The following RABGAP1L variants were observed in gnomAD, a reference collection of about 807,000 sequenced individuals.
The protein encoded by RABGAP1L is rab GTPase-activating protein 1-like.
RABGAP1L carries 63 observed loss-of-function variants against 137.7 expected under a neutral mutation model. That is an observed-to-expected ratio of 0.46 (90% CI 0.37 to 0.56). The LOEUF is 0.56. Ranked by LOEUF, RABGAP1L falls within the 20% of genes least tolerant of loss-of-function variation. The pLI is 0.00. For missense variants in RABGAP1L, 1,095 were observed against 1,244.0 expected (o/e 0.88, Z 1.80); for synonymous variants, 431 against 433.7 (o/e 0.99, Z 0.08).
intron 13 of RABGAP1L, among the ~76,000 whole-genome samples, chr1:174,600,509 A>T (rs1024997419): frequency 1.3e-5 from 2 of 152,246 alleles, no homozygotes; most frequent in African/African-American, 4.8e-5. Flanking sequence ...TCCTAGATAC[A>T]ATGGGGTACA....
chr1:174,652,160 G>A (rs145176976), intron 14 of RABGAP1L, among the ~76,000 whole-genome samples: 3,377 of 152,150 alleles, frequency 0.022, 56 homozygotes, highest in Middle Eastern at 0.082. Flanking sequence ...GTTGAATATC[G>A]GCCCCCACTC....
intron 19 of RABGAP1L, among the ~76,000 whole-genome samples, chr1:174,839,227 G>A (rs1241769611): frequency 6.6e-6 from 1 of 152,028 alleles, no homozygotes; most frequent in African/African-American, 2.4e-5. Flanking sequence ...ATGAGACCTG[G>A]TTAAACTACT....
At chr1:174,300,122 C>A (rs543167881) in intron 10 of RABGAP1L, among the ~76,000 whole-genome samples, 2 of 152,164 alleles carry the variant, frequency 1.3e-5, no homozygotes, top group South Asian at 4.1e-4. Flanking sequence ...AAAAATATAA[C>A]CTAAAGAAGA....
intron 19 of RABGAP1L, among the ~76,000 whole-genome samples, chr1:174,830,838 C>A (rs1692040856): frequency 6.8e-6 from 1 of 147,770 alleles, no homozygotes; most frequent in African/African-American, 2.5e-5. Flanking sequence ...GTGAACCTGG[C>A]ATCAGTTTAG....
chr1:174,510,801 TAA>T (rs987991118), intron 13 of RABGAP1L, among the ~76,000 whole-genome samples: 4 of 152,194 alleles, frequency 2.6e-5, no homozygotes, highest in Non-Finnish European at 5.9e-5. Context: ...AGAAATTTAA[TAA>T]GAGAGTCATG....
chr1:174,401,605 C>T (rs138492662), intron 13 of RABGAP1L, among the ~76,000 whole-genome samples: 1 of 152,252 alleles, frequency 6.6e-6, no homozygotes, highest in African/African-American at 2.4e-5. Context: ...AAGTGTGTAG[C>T]ACCCTGTTAT....
At chr1:174,188,905 A>T (rs1667006057) in intron 1 of RABGAP1L, among the ~76,000 whole-genome samples, 1 of 152,202 alleles carries the variant, frequency 6.6e-6, no homozygotes, top group African/African-American at 2.4e-5. Context: ...TACAACTTAA[A>T]GTCACCAGTT....
At chr1:174,551,698 C>T (rs562143165) in intron 13 of RABGAP1L, among the ~76,000 whole-genome samples, 23 of 151,362 alleles carry the variant, frequency 1.5e-4, no homozygotes, top group African/African-American at 4.8e-4. Flanking sequence ...AAACAGAAAT[C>T]GAAGAAATTG....
rs1183030066 is a variant in RABGAP1L, at chr1:174,385,910, G to A, written c.1560-8085G>A. Reference sequence around the variant, plus strand: ...CTTAAAAATAGTTTTGCTATAAAAGGATGATAGGAAACGAGGACACATTAG... The same window carrying A: ...CTTAAAAATAGTTTTGCTATAAAAGAATGATAGGAAACGAGGACACATTAG... On this transcript the variant is annotated intron_variant, in intron 12 of 25. Transcript: ENST00000681986. Among the ~76,000 whole-genome samples, 43 of 152,220 alleles carry A rather than the reference G, an allele frequency of 2.8e-4. 1 individual carries two copies. Among genetic ancestry groups the A allele is most frequent in the Admixed American group, 2.8e-3 (43 of 15,284 alleles).
rs149277947 is a variant in RABGAP1L, at chr1:174,911,937, G to A, written c.2341-45520G>A. Among the ~76,000 whole-genome samples, 536 of 152,256 alleles carry A rather than the reference G, an allele frequency of 3.5e-3. 3 individuals carry two copies. Among genetic ancestry groups the A allele is most frequent in the African/African-American group, 0.012 (513 of 41,564 alleles). On this transcript the variant is annotated intron_variant, in intron 19 of 25. Transcript: ENST00000681986. Reference sequence around the variant, plus strand: ...ACATTTGTCACGCAATAGGAACCAAGCAAGAGAATCTGGACAGATCAGCTC... The same window carrying A: ...ACATTTGTCACGCAATAGGAACCAAACAAGAGAATCTGGACAGATCAGCTC...
At chr1:174,244,328 C>T (rs1364778644) in intron 5 of RABGAP1L, 8 of 152,094 alleles carry the variant, frequency 5.3e-5, no homozygotes, top group Admixed American at 1.3e-4. Context: ...AGAGGTTTGT[C>T]GTTAAAGGAA....
chr1:174,648,800 T>A (rs1675205291), intron 14 of RABGAP1L, among the ~76,000 whole-genome samples: 2 of 152,108 alleles, frequency 1.3e-5, no homozygotes, highest in African/African-American at 2.4e-5. Context: ...GACAGTGGGG[T>A]GTTAAAGTCT....
At chr1:174,411,360 C>T (rs1649908322) in intron 13 of RABGAP1L, among the ~76,000 whole-genome samples, 1 of 152,044 alleles carries the variant, frequency 6.6e-6, no homozygotes, top group Non-Finnish European at 1.5e-5. Context: ...ATGATGTTTG[C>T]TGTGGGTTTG....
At chr1:174,800,682 C>T (rs1347419626) in intron 18 of RABGAP1L, among the ~76,000 whole-genome samples, 1 of 152,056 alleles carries the variant, frequency 6.6e-6, no homozygotes, top group East Asian at 1.9e-4. Flanking sequence ...CCACACCACC[C>T]CTTAATTGGT....
intron 19 of RABGAP1L, among the ~76,000 whole-genome samples, chr1:174,843,432 G>A (rs1693661528): frequency 6.7e-6 from 1 of 149,176 alleles, no homozygotes; most frequent in South Asian, 2.1e-4. Context: ...CTGTGTCCAT[G>A]TGATCTCATT....
chr1:174,501,092 C>G (rs1300366320), intron 13 of RABGAP1L, among the ~76,000 whole-genome samples: 1 of 152,070 alleles, frequency 6.6e-6, no homozygotes, highest in Non-Finnish European at 1.5e-5. Context: ...TCTCAGTTCT[C>G]TTAGTATTTC....
chr1:174,540,580 G>A (rs761530992), intron 13 of RABGAP1L, among the ~76,000 whole-genome samples: 10 of 152,076 alleles, frequency 6.6e-5, no homozygotes, highest in Non-Finnish European at 1.3e-4. Context: ...TTTTTGTCAG[G>A]TTTGTCAGAG....
At chr1:174,788,245 T>A (rs1445254423) in intron 18 of RABGAP1L, among the ~76,000 whole-genome samples, 1 of 152,214 alleles carries the variant, frequency 6.6e-6, no homozygotes, top group Non-Finnish European at 1.5e-5. Context: ...CCTCAGCACC[T>A]GGAACTTTGA....
chr1:174,247,070 A>G (rs887141827), intron 5 of RABGAP1L, among the ~76,000 whole-genome samples: 2 of 152,134 alleles, frequency 1.3e-5, no homozygotes, highest in African/African-American at 4.8e-5. Context: ...GCTCAGCTCC[A>G]TACGCTTAAC....
Sources: gnomAD v4.1 joint callset for allele counts (sites outside exome capture counted in the v4.1 genomes callset) on GRCh38, gnomAD v4.1.1 for gene constraint, MANE v1.5 for transcripts, NCBI Gene and HGNC (gene_info 2026-07-23, HGNC 2026-07-21) for gene names.